CEP85L: variants seen among roughly 807,000 people sequenced by gnomAD.
CEP85L encodes the protein centrosomal protein of 85 kDa-like.
Under a neutral mutation model 100.3 loss-of-function variants are expected in CEP85L, and 60 were observed. The observed-to-expected ratio is 0.60, with a 90% CI of 0.49 to 0.74. The LOEUF (loss-of-function observed/expected upper bound fraction) is 0.74. Among genes scored for constraint, CEP85L ranks in the 30% least tolerant of loss-of-function variants. The probability of loss-of-function intolerance (pLI) is 0.00; values close to 1 mark genes in which losing one functional copy is unlikely to be tolerated. For missense variants in CEP85L, 973 were observed against 936.2 expected (o/e 1.04, Z -0.51); for synonymous variants, 319 against 322.7 (o/e 0.99, Z 0.12).
intron 2 of CEP85L, among the ~76,000 whole-genome samples, chr6:118,622,760 A>C (rs1773533723): frequency 6.6e-6 from 1 of 152,258 alleles, no homozygotes; most frequent in African/African-American, 2.4e-5. Flanking sequence ...AAATTACTGC[A>C]CGCAGTGCAG....
chr6:118,675,877 G>A (rs1199795808), intron 1 of CEP85L, among the ~76,000 whole-genome samples: 1 of 152,134 alleles, frequency 6.6e-6, no homozygotes, highest in Non-Finnish European at 1.5e-5. Context: ...TGAGAGAAAA[G>A]ATGATGTATT....
intron 2 of CEP85L, among the ~76,000 whole-genome samples, chr6:118,629,486 C>T (rs899996360): frequency 6.6e-6 from 1 of 152,112 alleles, no homozygotes; most frequent in African/African-American, 2.4e-5. Context: ...CAAAATACTA[C>T]ACATTTATTA....
intron 2 of CEP85L, among the ~76,000 whole-genome samples, chr6:118,609,653 G>A (rs1406824470): frequency 6.6e-6 from 1 of 151,898 alleles, no homozygotes; most frequent in Non-Finnish European, 1.5e-5. Context: ...AACAATATGG[G>A]ACCATCAAGC....
intron 1 of CEP85L, among the ~76,000 whole-genome samples, chr6:118,669,214 G>A (rs1289600657): frequency 2.6e-5 from 4 of 152,184 alleles, no homozygotes; most frequent in African/African-American, 7.2e-5. Context: ...AGGGACTCCA[G>A]GAGGAACAGC....
intron 2 of CEP85L, among the ~76,000 whole-genome samples, chr6:118,602,261 A>T (rs935052064): frequency 2.0e-5 from 3 of 152,208 alleles, no homozygotes; most frequent in Admixed American, 6.5e-5. Flanking sequence ...AACAGAAGGT[A>T]AATGTTTAAT....
chr6:118,596,676 CAAG>C (rs928113819), intron 2 of CEP85L, among the ~76,000 whole-genome samples: 1 of 151,380 alleles, frequency 6.6e-6, no homozygotes, highest in African/African-American at 2.4e-5. Flanking sequence ...AAAAAAAAAA[CAAG>C]AGTACCTTTC....
intron 1 of CEP85L, among the ~76,000 whole-genome samples, chr6:118,683,839 T>C (rs917899159): frequency 4.6e-5 from 7 of 152,240 alleles, no homozygotes; most frequent in Non-Finnish European, 7.3e-5. Flanking sequence ...GGTCATGGCA[T>C]GCTTGCCTCT....
At chr6:118,540,316 T>C (rs1335338926) in intron 3 of CEP85L, among the ~76,000 whole-genome samples, 1 of 152,190 alleles carries the variant, frequency 6.6e-6, no homozygotes, top group Non-Finnish European at 1.5e-5. Context: ...TGACAATGTT[T>C]ATTAACTACT....
At chr6:118,701,565 T>C (rs1410483377) in intron 1 of CEP85L, among the ~76,000 whole-genome samples, 1 of 152,146 alleles carries the variant, frequency 6.6e-6, no homozygotes, top group East Asian at 1.9e-4. Flanking sequence ...TAAGTGGAAG[T>C]GAAACATTGA....
At chr6:118,660,511 C>G (rs938340846) in intron 1 of CEP85L, among the ~76,000 whole-genome samples, 1 of 152,166 alleles carries the variant, frequency 6.6e-6, no homozygotes, top group East Asian at 1.9e-4. Context: ...CTCCTACTTA[C>G]TTGAACACTA....
chr6:118,570,419 G>T (rs2181513), intron 2 of CEP85L, among the ~76,000 whole-genome samples: 103,274 of 151,992 alleles, frequency 0.68, 35,781 homozygotes, highest in Middle Eastern at 0.73. Context: ...TCCAGTAATG[G>T]GCTACTTTCC....
chr6:118,467,925 C>T (rs979620372), intron 12 of CEP85L, among the ~76,000 whole-genome samples: 11 of 152,164 alleles, frequency 7.2e-5, no homozygotes, highest in African/African-American at 2.4e-4. Flanking sequence ...CCTTTGTCCA[C>T]ATCTCAACTA....
At chr6:118,569,729 A>G (rs923486764) in intron 2 of CEP85L, among the ~76,000 whole-genome samples, 8 of 152,000 alleles carry the variant, frequency 5.3e-5, no homozygotes, top group African/African-American at 1.7e-4. Flanking sequence ...ATTAATTTCA[A>G]TGTAACAGAC....
At chr6:118,474,242 C>G (rs1056471416) in intron 10 of CEP85L, among the ~76,000 whole-genome samples, 21 of 152,174 alleles carry the variant, frequency 1.4e-4, no homozygotes, top group African/African-American at 2.4e-5. Flanking sequence ...AAATAAAACT[C>G]TGCTTCACGA....
intron 1 of CEP85L, among the ~76,000 whole-genome samples, chr6:118,670,771 A>G (rs745768857): frequency 5.9e-5 from 9 of 152,116 alleles, no homozygotes; most frequent in East Asian, 5.8e-4. Context: ...AACTTTTTTC[A>G]TATATTCTAT....
At chr6:118,612,356 A>G (rs983970295) in intron 2 of CEP85L, among the ~76,000 whole-genome samples, 1 of 152,048 alleles carries the variant, frequency 6.6e-6, no homozygotes, top group African/African-American at 2.4e-5. Flanking sequence ...TTATAATAGC[A>G]TATTTTAAAA....
At chr6:118,606,237 A>G (rs952273107) in intron 2 of CEP85L, among the ~76,000 whole-genome samples, 4 of 152,186 alleles carry the variant, frequency 2.6e-5, no homozygotes, top group Non-Finnish European at 5.9e-5. Flanking sequence ...TTATTACCTG[A>G]CTTTAGCCTT....
intron 3 of CEP85L, among the ~76,000 whole-genome samples, chr6:118,535,696 T>C (rs1777550145): frequency 6.6e-6 from 1 of 152,178 alleles, no homozygotes; most frequent in South Asian, 2.1e-4. Flanking sequence ...TGTAGTGCCA[T>C]CTTGGTTAAA....
Position 118,701,438 on chromosome 6 carries a change from C to T in CEP85L, c.-28+8598G>A, listed in dbSNP as rs182031959. Among the ~76,000 whole-genome samples, 182 of 152,304 alleles carry T rather than the reference C, an allele frequency of 1.2e-3. 1 individual carries two copies. Among genetic ancestry groups the T allele is most frequent in the African/African-American group, 4.2e-3 (175 of 41,560 alleles). On this transcript the variant is annotated intron_variant, in intron 1 of 13. Transcript: ENST00000368488. ...TACATATACACCACGGAGTACTACA[C>T]AGCCATAAAAAAGAACAAGTTCGTG...
Sources: gnomAD v4.1 joint callset for allele counts (sites outside exome capture counted in the v4.1 genomes callset) on GRCh38, gnomAD v4.1.1 for gene constraint, MANE v1.5 for transcripts, NCBI Gene and HGNC (gene_info 2026-07-23, HGNC 2026-07-21) for gene names.